Variants in C5AR2 observed in about 807,000 individuals in gnomAD.
The protein encoded by C5AR2 is complement C5a receptor 2.
For missense variants in C5AR2, 458 were observed against 467.5 expected, an observed-to-expected ratio of 0.98 and a Z score of 0.19; for synonymous variants, 224 against 216.5, an observed-to-expected ratio of 1.03 and a Z score of -0.30.
Position 47,341,747 on chromosome 19 carries a change from C to T in C5AR2, c.948C>T (p.Gly316=), listed in dbSNP as rs1164990903. 6.2e-7 allele frequency: 1 copy of T among 1,613,726 alleles called. No homozygotes were observed. The highest frequency in any genetic ancestry group is 1.7e-5 in the Admixed American group (1 of 60,024). The change falls in exon 2 of 2, where the codon GGC becomes GGT. Residue 316 remains glycine, a synonymous_variant. Coordinates refer to ENST00000595464, the MANE Select transcript of C5AR2 (RefSeq NM_001271749.2). This position sits in a 1 kb window ranked among gnomAD's most constrained non-coding sequence, Gnocchi z 4.6. The part of the protein sequence containing the change: ...ACHWALRESQ[G]QDESVDSKKS... ...ACTGGGCCCTGAGGGAGTCCCAGGG[C>T]CAGGACGAAAGTGTGGACAGCAAGA...
chr19:47,345,692 ATT>A lies in C5AR2; in HGVS notation c.*3882_*3883del, dbSNP rs1969110259. 6.6e-6 allele frequency: 1 copy of A among 151,756 alleles called. No individual in the cohort carries two copies. The allele number at this position is 151,756 out of a possible 1,614,324, so 9.4% of individuals were successfully genotyped here. On this transcript the variant is annotated 3_prime_UTR_variant, in exon 2 of 2. Transcript: ENST00000595464. ...CCGGCCTGATATTTTATTACTTAGT[ATT>A]TTACTCTGAATTATCATGCGTGAAT...
At chr19:47,339,914 C>T (rs1327848215) in intron 1 of C5AR2, among the ~76,000 whole-genome samples, 1 of 152,136 alleles carries the variant, frequency 6.6e-6, no homozygotes, top group Non-Finnish European at 1.5e-5. Flanking sequence ...TTATTATCTT[C>T]TAAAATACTG....
rs1431708293 is a variant in C5AR2 at position 47,346,774 on chromosome 19, T to C, written c.*4961T>C. On this transcript the variant is annotated 3_prime_UTR_variant, in exon 2 of 2. Coordinates refer to ENST00000595464, the MANE Select transcript of C5AR2 (RefSeq NM_001271749.2). ...AGAAGGAAGGAAAGAAAGCAAGCTG[T>C]TTTCCCCTGCCTTGCCCCTGCTCAC... is the stretch of plus-strand genomic sequence containing the variant. 6.6e-6 allele frequency: 1 copy of C among 151,964 alleles called. No individual in the cohort carries two copies. The highest frequency in any genetic ancestry group is 1.9e-4 in the East Asian group (1 of 5,196). The allele number at this position is 151,964 out of a possible 1,614,324, so 9.4% of individuals were successfully genotyped here.
rs1969131792 is a variant in C5AR2 at position 47,347,171 on chromosome 19, T to C, written c.*5358T>C. 6.6e-6 allele frequency: 1 copy of C among 152,184 alleles called. No homozygotes were observed. The highest frequency in any genetic ancestry group is 2.4e-5 in the African/African-American group (1 of 41,452). The allele number at this position is 152,184 out of a possible 1,614,324, so 9.4% of individuals were successfully genotyped here. On this transcript the variant is annotated 3_prime_UTR_variant, in exon 2 of 2. Coordinates refer to ENST00000595464, the MANE Select transcript of C5AR2 (RefSeq NM_001271749.2). Reference sequence around the variant, plus strand: ...TAGAAATATTGATTTCCTTAAGTTTTCAAAGAACCAAGTTATTAATAATTT... The same window carrying C: ...TAGAAATATTGATTTCCTTAAGTTTCCAAAGAACCAAGTTATTAATAATTT...
rs767505747 is a variant in C5AR2 at position 47,340,909 on chromosome 19, C to T, written c.110C>T (p.Ala37Val). The change falls in exon 2 of 2, where the codon GCC (alanine) becomes GTC (valine). Residue 37 changes from alanine (A) to valine (V), a missense_variant. Physicochemically the swap from Ala to Val is moderately conservative, Grantham distance 64. Coordinates refer to ENST00000595464, the MANE Select transcript of C5AR2 (RefSeq NM_001271749.2). ...ACLAIDPLRV[A>V]PLPLYAAIFL... ...CTGGCCATCGACCCGCTGCGCGTGG[C>T]CCCGCTCCCACTGTATGCCGCCATC... The T allele has an allele frequency of 3.1e-6, 5 of 1,612,842 alleles. No homozygotes were observed. The highest frequency in any genetic ancestry group is 2.7e-5 in the African/African-American group (2 of 75,070).
At chr19:47,335,855 C>CT (rs1231042645) in intron 1 of C5AR2, among the ~76,000 whole-genome samples, 1 of 123,844 alleles carries the variant, frequency 8.1e-6, no homozygotes, top group Non-Finnish European at 1.6e-5. Context: ...AGGGTGGAGT[C>CT]TTTGCGGGGT....
Position 47,341,168 on chromosome 19 carries a change from G to A in C5AR2, c.369G>A (p.Leu123=). ...IILLTMYASV[L]LLAALSADLC... Reference sequence around the variant, plus strand: ...TGCTGACCATGTATGCCAGCGTCCTGCTCCTGGCAGCTCTCAGTGCCGACC... The same window carrying A: ...TGCTGACCATGTATGCCAGCGTCCTACTCCTGGCAGCTCTCAGTGCCGACC... Residue 123 remains leucine (L), a synonymous_variant, in exon 2 of 2, where the codon CTG becomes CTA. Transcript: ENST00000595464. This position sits in a 1 kb window ranked among gnomAD's most constrained non-coding sequence, Gnocchi z 4.6. 6.2e-7 allele frequency: 1 copy of A among 1,601,018 alleles called. No individual in the cohort carries two copies. Among genetic ancestry groups the A allele is most frequent in the Non-Finnish European group, 8.5e-7 (1 of 1,179,892 alleles).
Position 47,343,006 on chromosome 19 carries a change from A to G in C5AR2, c.*1193A>G. The G allele has an allele frequency of 6.6e-6, 1 of 152,304 alleles. No homozygotes were observed. The allele number at this position is 152,304 out of a possible 1,614,324, so 9.4% of individuals were successfully genotyped here. A position where few individuals can be genotyped will look rare whatever the true frequency, so the allele number is the denominator to read the frequency against. ...ATCTTAATCCCCTGAACCTGTGAAGAGGTGACCTTCCATGGCAAAAGGGAC... is the reference window on the plus strand; with the variant it reads ...ATCTTAATCCCCTGAACCTGTGAAGGGGTGACCTTCCATGGCAAAAGGGAC... On this transcript the variant is annotated 3_prime_UTR_variant, in exon 2 of 2. Transcript: ENST00000595464.
chr19:47,334,402 G>T (rs1270908419), intron 1 of C5AR2, among the ~76,000 whole-genome samples: 5 of 151,766 alleles, frequency 3.3e-5, no homozygotes, highest in African/African-American at 9.7e-5. Context: ...AGGCTGAGGT[G>T]GGAGGATTTC....
At position 47,340,991 on chromosome 19, in the gene C5AR2, C is replaced by G. The variant is rs377057595; in HGVS notation, c.192C>G (p.Ala64=). 46 of 1,610,250 alleles carry G rather than the reference C, an allele frequency of 2.9e-5. No individual in the cohort carries two copies. In the African/African-American group the frequency reaches 5.7e-4, roughly 20 times the overall value. ...AMVAWVAGKV[A]RRRVGATWLL... ...TGGCCTGGGTGGCTGGGAAGGTGGC[C>G]CGCCGGAGGGTGGGTGCCACCTGGT... Residue 64 remains alanine (A), a synonymous_variant, in exon 2 of 2, where the codon GCC becomes GCG. Coordinates refer to ENST00000595464, the MANE Select transcript of C5AR2 (RefSeq NM_001271749.2).
Position 47,346,947 on chromosome 19 carries a change from T to C in C5AR2, c.*5134T>C, listed in dbSNP as rs1241413051. The C allele has an allele frequency of 1.3e-5, 2 of 152,218 alleles. No homozygotes were observed. Among genetic ancestry groups the C allele is most frequent in the Non-Finnish European group, 2.9e-5 (2 of 68,038 alleles). 9.4% of individuals were successfully genotyped at this position (152,218 alleles called of 1,614,324 possible). A position where few individuals can be genotyped will look rare whatever the true frequency, so the allele number is the denominator to read the frequency against. Reference sequence around the variant, plus strand: ...TTGATAACTTTTACAAAACATCTTTTGTGGTTTTTGAAATGTTTTCATTTT... The same window carrying C: ...TTGATAACTTTTACAAAACATCTTTCGTGGTTTTTGAAATGTTTTCATTTT... On this transcript the variant is annotated 3_prime_UTR_variant, in exon 2 of 2. Transcript: ENST00000595464.
In C5AR2 at chr19:47,341,498, G is replaced by A. The variant is rs763816520; in HGVS notation, c.699G>A (p.Pro233=). The A allele has an allele frequency of 9.3e-6, 15 of 1,611,704 alleles. No homozygotes were observed. Among genetic ancestry groups the A allele is most frequent in the East Asian group, 8.9e-5 (4 of 44,866 alleles). ...LLCWAARRCR[P]LGTAIVVGFF... is the part of the protein sequence containing the mutation. Reference sequence around the variant, plus strand: ...GCTGGGCAGCCCGACGCTGCCGGCCGCTGGGCACAGCCATTGTGGTGGGGT... The same window carrying A: ...GCTGGGCAGCCCGACGCTGCCGGCCACTGGGCACAGCCATTGTGGTGGGGT... Residue 233 remains proline, a synonymous_variant, in exon 2 of 2, where the codon CCG becomes CCA. Transcript: ENST00000595464. The surrounding 1 kb of genome is among the most constrained non-coding windows in gnomAD (Gnocchi z 4.6).
At chr19:47,339,129 G>A in intron 1 of C5AR2, among the ~76,000 whole-genome samples, 1 of 151,564 alleles carries the variant, frequency 6.6e-6, no homozygotes, top group East Asian at 2.0e-4. Flanking sequence ...ACTCCAGCCT[G>A]GGCAACAGAG....
intron 1 of C5AR2, among the ~76,000 whole-genome samples, chr19:47,336,030 T>C (rs1330169531): frequency 2.0e-5 from 3 of 151,946 alleles, no homozygotes; most frequent in Admixed American, 1.3e-4. Flanking sequence ...ACAGATAGTT[T>C]AGGTGACTTG....
intron 1 of C5AR2, among the ~76,000 whole-genome samples, chr19:47,340,267 A>T (rs1484197029): frequency 5.3e-5 from 8 of 151,904 alleles, no homozygotes; most frequent in Non-Finnish European, 4.4e-5. Flanking sequence ...CCAATATTCC[A>T]ATGTACTAGG....
intron 1 of C5AR2, among the ~76,000 whole-genome samples, chr19:47,333,968 G>A (rs905631094): frequency 2.6e-5 from 4 of 152,128 alleles, no homozygotes; most frequent in Admixed American, 2.0e-4. Flanking sequence ...AGAGGCACAT[G>A]TGAGGGTGCT....
At position 47,341,505 on chromosome 19, in the gene C5AR2, A is replaced by G; in HGVS notation, c.706A>G (p.Thr236Ala). 1 of 1,611,992 alleles carries G rather than the reference A, an allele frequency of 6.2e-7. No individual in the cohort carries two copies. ...WAARRCRPLG[T>A]AIVVGFFVCW... ...AGCCCGACGCTGCCGGCCGCTGGGC[A>G]CAGCCATTGTGGTGGGGTTTTTTGT... The change falls in exon 2 of 2, where the codon ACA becomes GCA. Residue 236 changes from threonine to alanine, a missense_variant. By Grantham distance (58) the Thr-to-Ala change is moderately conservative (BLOSUM62 0). Transcript: ENST00000595464. The surrounding 1 kb of genome is among the most constrained non-coding windows in gnomAD (Gnocchi z 4.6).
In C5AR2 at chr19:47,347,187, T is replaced by C. The variant is rs1343407701; in HGVS notation, c.*5374T>C. On this transcript the variant is annotated 3_prime_UTR_variant, in exon 2 of 2. Transcript: ENST00000595464. The stretch of plus-strand genomic sequence containing the variant: ...CTTAAGTTTTCAAAGAACCAAGTTA[T>C]TAATAATTTCTCTAAGAACTAGTCT... 6.6e-6 allele frequency: 1 copy of C among 152,194 alleles called. No individual in the cohort carries two copies. Among genetic ancestry groups the C allele is most frequent in the Non-Finnish European group, 1.5e-5 (1 of 68,028 alleles). The allele number at this position is 152,194 out of a possible 1,614,324, so 9.4% of individuals were successfully genotyped here.
At chr19:47,338,999 C>G (rs1249084987) in intron 1 of C5AR2, among the ~76,000 whole-genome samples, 1 of 151,552 alleles carries the variant, frequency 6.6e-6, no homozygotes, top group African/African-American at 2.4e-5. Context: ...ACTAAAAATA[C>G]AAAAATTAGC....
Sources: allele counts gnomAD v4.1 joint callset (sites outside exome capture counted in the v4.1 genomes callset), GRCh38; gene constraint gnomAD v4.1.1; non-coding constraint Gnocchi (gnomAD v3.1); transcripts MANE v1.5; gene names NCBI Gene and HGNC (gene_info 2026-07-23, HGNC 2026-07-21).